JAKMIP1: variants seen among roughly 807,000 people sequenced by gnomAD.
The protein encoded by JAKMIP1 is janus kinase and microtubule-interacting protein 1.
JAKMIP1 carries 33 observed loss-of-function variants against 113.0 expected under a neutral mutation model. The ratio of observed to expected loss-of-function variants is 0.29; its 90% CI spans 0.22 to 0.39. The LOEUF (loss-of-function observed/expected upper bound fraction) is 0.39. Among genes scored for constraint, JAKMIP1 ranks in the 10% least tolerant of loss-of-function variants. JAKMIP1 has a pLI of 1.00. For synonymous variants in JAKMIP1, 480 were observed against 459.9 expected (o/e 1.04, Z -0.56); for missense variants, 813 against 1,080.5 (o/e 0.75, Z 3.47).
chr4:6,039,828 C>T (rs892678717), intron 18 of JAKMIP1, among the ~76,000 whole-genome samples: 2 of 152,204 alleles, frequency 1.3e-5, no homozygotes, highest in Non-Finnish European at 2.9e-5. Context: ...TCTCTGTCTT[C>T]CTGGAGCCTG....
At chr4:6,190,206 G>T (rs887792849) in intron 1 of JAKMIP1, among the ~76,000 whole-genome samples, 1 of 152,172 alleles carries the variant, frequency 6.6e-6, no homozygotes, top group African/African-American at 2.4e-5. Flanking sequence ...AGGCCATGGG[G>T]GGGGCTGCAA....
At chr4:6,121,671 C>T (rs1716738629) in intron 1 of JAKMIP1, among the ~76,000 whole-genome samples, 1 of 152,240 alleles carries the variant, frequency 6.6e-6, no homozygotes, top group Non-Finnish European at 1.5e-5. Flanking sequence ...GCCATCTACT[C>T]CAGTGATCGC....
In JAKMIP1 at chr4:6,158,157, G is replaced by T. The variant is rs1452232331; in HGVS notation, c.-148+42096C>A. Among the ~76,000 whole-genome samples, 2 of 152,304 alleles carry T rather than the reference G, an allele frequency of 1.3e-5. No homozygotes were observed. The highest frequency in any genetic ancestry group is 2.1e-4 in the South Asian group (1 of 4,828). On this transcript the variant is annotated intron_variant, in intron 1 of 20. Transcript: ENST00000409021. The surrounding 1 kb of genome is among the most constrained non-coding windows in gnomAD (Gnocchi z 5.3). ...CTGGAACGCAAGGATGGGGAGAACG[G>T]ATCGCCTCACAGTGTGGAGGGCAGA... is the stretch of plus-strand genomic sequence containing the variant.
chr4:6,110,299 G>A (rs1714707869), intron 2 of JAKMIP1, among the ~76,000 whole-genome samples: 1 of 152,114 alleles, frequency 6.6e-6, no homozygotes, highest in South Asian at 2.1e-4. Flanking sequence ...TGAAGACACA[G>A]GGAGAAGGCG....
intron 11 of JAKMIP1, among the ~76,000 whole-genome samples, chr4:6,058,282 A>T (rs980554612): frequency 6.6e-6 from 1 of 152,244 alleles, no homozygotes; most frequent in Non-Finnish European, 1.5e-5. Context: ...TGTTAAAAAT[A>T]ATAGTTTCTT....
At chr4:6,110,741 C>G (rs1714792043) in intron 2 of JAKMIP1, among the ~76,000 whole-genome samples, 1 of 149,800 alleles carries the variant, frequency 6.7e-6, no homozygotes, top group African/African-American at 2.5e-5. Context: ...AAAACTGAGG[C>G]AGGGGGTTAC....
In JAKMIP1 at chr4:6,162,744, A is replaced by G. The variant is rs1388400539; in HGVS notation, c.-148+37509T>C. ...TAATAAAACTGGCTCAGAAAGGTTA[A>G]GTGACTTGCCCAAGGTCACCCAGCC... On this transcript the variant is annotated intron_variant, in intron 1 of 20. Coordinates refer to ENST00000409021, the MANE Select transcript of JAKMIP1 (RefSeq NM_001099433.2). The surrounding 1 kb of genome is among the most constrained non-coding windows in gnomAD (Gnocchi z 5.6). 6.6e-6 allele frequency among the ~76,000 whole-genome samples: 1 copy of G among 152,156 alleles called. No homozygotes were observed. Among genetic ancestry groups the G allele is most frequent in the Non-Finnish European group, 1.5e-5 (1 of 68,030 alleles).
chr4:6,089,987 C>T lies in JAKMIP1; in HGVS notation c.625-4358G>A, dbSNP rs1000413837. ...CTGTAATCCCAGCACTTTGGGAGGC[C>T]GAGGCAGGCGAATCACCTGGGGTCA... On this transcript the variant is annotated intron_variant, in intron 3 of 20. Transcript: ENST00000409021. The surrounding 1 kb of genome is among the most constrained non-coding windows in gnomAD (Gnocchi z 5.3). Among the ~76,000 whole-genome samples the T allele has an allele frequency of 2.6e-5, 4 of 152,036 alleles. No individual in the cohort carries two copies. Among genetic ancestry groups the T allele is most frequent in the Non-Finnish European group, 5.9e-5 (4 of 68,018 alleles).
intron 3 of JAKMIP1, among the ~76,000 whole-genome samples, chr4:6,098,727 AAAGAAAGAGAAGGAAG>A (rs1712463960): frequency 2.2e-5 from 1 of 45,042 alleles, no homozygotes; most frequent in African/African-American, 8.2e-5. Flanking sequence ...AAAGAAAAAG[AAAGAAAGAGAAGGAAG>A]GAAGGAAGGA....
intron 1 of JAKMIP1, among the ~76,000 whole-genome samples, chr4:6,189,095 T>A (rs1049294439): frequency 6.6e-6 from 1 of 152,208 alleles, no homozygotes; most frequent in Non-Finnish European, 1.5e-5. Context: ...AGAAGGTTTG[T>A]CTTCCACAGT....
intron 16 of JAKMIP1, among the ~76,000 whole-genome samples, chr4:6,045,889 T>C (rs945052661): frequency 1.3e-5 from 2 of 152,030 alleles, no homozygotes; most frequent in Non-Finnish European, 2.9e-5. Context: ...AATTAATGCC[T>C]CTAAGGGAAC....
rs1236488160 is a variant in JAKMIP1 at position 6,157,637 on chromosome 4, C to T, written c.-148+42616G>A. Among the ~76,000 whole-genome samples the T allele has an allele frequency of 1.3e-5, 2 of 152,190 alleles. No individual in the cohort carries two copies. Among genetic ancestry groups the T allele is most frequent in the Non-Finnish European group, 2.9e-5 (2 of 68,044 alleles). On this transcript the variant is annotated intron_variant, in intron 1 of 20. Transcript: ENST00000409021. The surrounding 1 kb of genome is among the most constrained non-coding windows in gnomAD (Gnocchi z 4.7). The stretch of plus-strand genomic sequence containing the variant: ...AATCCCACCAGAATCCCAGCTCAGC[C>T]ATCTTCCCCAGCGTAGCCCTGGACA...
Position 6,176,731 on chromosome 4 carries a change from A to G in JAKMIP1, c.-148+23522T>C, listed in dbSNP as rs998695628. 6.6e-6 allele frequency among the ~76,000 whole-genome samples: 1 copy of G among 152,176 alleles called. No individual in the cohort carries two copies. Among genetic ancestry groups the G allele is most frequent in the Admixed American group, 6.5e-5 (1 of 15,272 alleles). ...TGTGGCCAGCAAGAAATTGGAGCCTATATCAAAGTGGTGGGAAAAGCTGGG... is the reference window on the plus strand; with the variant it reads ...TGTGGCCAGCAAGAAATTGGAGCCTGTATCAAAGTGGTGGGAAAAGCTGGG... On this transcript the variant is annotated intron_variant, in intron 1 of 20. Transcript: ENST00000409021. The surrounding 1 kb of genome is among the most constrained non-coding windows in gnomAD (Gnocchi z 5.5).
rs933790946 is a variant in JAKMIP1, at chr4:6,167,183, G to A, written c.-148+33070C>T. ...AGGGCCCTGCCTCCGCAAAGAGCACGATGTTCTGGCCACTCATCCAGACCC... is the reference window on the plus strand; with the variant it reads ...AGGGCCCTGCCTCCGCAAAGAGCACAATGTTCTGGCCACTCATCCAGACCC... On this transcript the variant is annotated intron_variant, in intron 1 of 20. Coordinates refer to ENST00000409021, the MANE Select transcript of JAKMIP1 (RefSeq NM_001099433.2). The surrounding 1 kb of genome is among the most constrained non-coding windows in gnomAD (Gnocchi z 5.3). Among the ~76,000 whole-genome samples, 2 of 152,116 alleles carry A rather than the reference G, an allele frequency of 1.3e-5. No homozygotes were observed. The highest frequency in any genetic ancestry group is 6.5e-5 in the Admixed American group (1 of 15,276).
rs1715635338 is a variant in JAKMIP1 at position 6,051,318 on chromosome 4, G to A, written c.1807-639C>T. On this transcript the variant is annotated intron_variant, in intron 13 of 20. Coordinates refer to ENST00000409021, the MANE Select transcript of JAKMIP1 (RefSeq NM_001099433.2). The surrounding 1 kb of genome is among the most constrained non-coding windows in gnomAD (Gnocchi z 5.0). ...GCTCACTGCAACCTCCACCTCCCGG[G>A]TTCAAGTGATTCTCCTGCCTCAGCC... Among the ~76,000 whole-genome samples, 1 of 151,942 alleles carries A rather than the reference G, an allele frequency of 6.6e-6. No homozygotes were observed. Among genetic ancestry groups the A allele is most frequent in the Non-Finnish European group, 1.5e-5 (1 of 68,012 alleles).
At chr4:6,074,628 G>A (rs1054761940) in intron 8 of JAKMIP1, among the ~76,000 whole-genome samples, 3 of 152,152 alleles carry the variant, frequency 2.0e-5, no homozygotes, top group Non-Finnish European at 4.4e-5. Flanking sequence ...TTGGTGTAGT[G>A]CTTGCATATA....
At chr4:6,151,022 A>G (rs572143958) in intron 1 of JAKMIP1, among the ~76,000 whole-genome samples, 1 of 151,928 alleles carries the variant, frequency 6.6e-6, no homozygotes, top group East Asian at 1.9e-4. Context: ...TTTGGCTTCT[A>G]TGTGACCTTG....
intron 1 of JAKMIP1, among the ~76,000 whole-genome samples, chr4:6,169,890 G>A (rs1373710034): frequency 1.3e-5 from 2 of 151,024 alleles, no homozygotes; most frequent in Non-Finnish European, 3.0e-5. Context: ...GCTCACAAGA[G>A]TGCCTACAAT....
rs6446449 is a variant in JAKMIP1 at position 6,061,195 on chromosome 4, T to C, written c.1561-688A>G. Among the ~76,000 whole-genome samples, 33,585 of 152,198 alleles carry C rather than the reference T, an allele frequency of 0.22. 5,943 individuals carry two copies. Among genetic ancestry groups the C allele is most frequent in the African/African-American group, 0.49 (20,462 of 41,478 alleles). ...TGGATTTCTCTATAGAATCTCTTGA[T>C]TTTTAAATGTTGGCAAGTAGATGAA... is the stretch of plus-strand genomic sequence containing the variant. On this transcript the variant is annotated intron_variant, in intron 10 of 20. Transcript: ENST00000409021. This position sits in a 1 kb window ranked among gnomAD's most constrained non-coding sequence, Gnocchi z 5.3.
Sources: gnomAD v4.1 joint callset for allele counts (sites outside exome capture counted in the v4.1 genomes callset) on GRCh38, gnomAD v4.1.1 for gene constraint, Gnocchi (gnomAD v3.1) non-coding constraint, MANE v1.5 for transcripts, NCBI Gene and HGNC (gene_info 2026-07-23, HGNC 2026-07-21) for gene names.